Variants in NALF1 observed in about 807,000 individuals in gnomAD.
NALF1 encodes family with sequence similarity 155 member A.
A neutral mutation model predicts 48.4 loss-of-function variants in NALF1; 3 were observed. The ratio of observed to expected loss-of-function variants is 0.06; its 90% CI spans 0.03 to 0.16. The LOEUF is 0.16. NALF1 is among the 10% of genes least tolerant of loss of function. The pLI is 1.00. For missense variants in NALF1, 526 were observed against 571.5 expected, an observed-to-expected ratio of 0.92 and a Z score of 0.81; for synonymous variants, 262 against 245.7, an observed-to-expected ratio of 1.07 and a Z score of -0.62.
intron 1 of NALF1, among the ~76,000 whole-genome samples, chr13:107,395,078 G>C (rs572500137): frequency 6.6e-6 from 1 of 152,026 alleles, no homozygotes; most frequent in Admixed American, 6.6e-5. Context: ...AGAAATTAAG[G>C]GTCTTTTGAG....
chr13:107,253,342 C>T (rs1298527653), intron 1 of NALF1, among the ~76,000 whole-genome samples: 2 of 152,052 alleles, frequency 1.3e-5, no homozygotes, highest in Non-Finnish European at 2.9e-5. Flanking sequence ...AATGCATTGC[C>T]CATAAACTCA....
intron 1 of NALF1, among the ~76,000 whole-genome samples, chr13:107,361,623 T>C (rs1883062017): frequency 6.6e-6 from 1 of 152,168 alleles, no homozygotes; most frequent in African/African-American, 2.4e-5. Context: ...CAGAAGATGG[T>C]GCAGCAGAGC....
intron 1 of NALF1, among the ~76,000 whole-genome samples, chr13:107,291,041 C>T (rs1171506837): frequency 6.6e-6 from 1 of 151,464 alleles, no homozygotes; most frequent in Non-Finnish European, 1.5e-5. Context: ...AAAGCCTACT[C>T]TTAATTAACA....
intron 1 of NALF1, among the ~76,000 whole-genome samples, chr13:107,440,936 C>A (rs1381977663): frequency 6.6e-6 from 1 of 152,062 alleles, no homozygotes; most frequent in African/African-American, 2.4e-5. Context: ...TCTCTTTAAC[C>A]AAAGCAAGCT....
intron 2 of NALF1, among the ~76,000 whole-genome samples, chr13:107,186,012 A>G (rs1428456643): frequency 6.6e-6 from 1 of 152,218 alleles, no homozygotes. Flanking sequence ...TGTTCTGAGT[A>G]GTGCGAAAAA....
intron 1 of NALF1, among the ~76,000 whole-genome samples, chr13:107,810,462 C>T (rs1045781161): frequency 2.0e-5 from 3 of 152,108 alleles, no homozygotes; most frequent in Admixed American, 6.6e-5. Flanking sequence ...CCTGTCATCA[C>T]CTCTATACAG....
intron 1 of NALF1, among the ~76,000 whole-genome samples, chr13:107,405,764 T>C (rs929185734): frequency 6.6e-6 from 1 of 151,964 alleles, no homozygotes; most frequent in African/African-American, 2.4e-5. Context: ...ACTAGTCTTA[T>C]GTGTTAAAAA....
intron 1 of NALF1, among the ~76,000 whole-genome samples, chr13:107,357,399 CCT>C (rs1185637642): frequency 1.3e-5 from 2 of 152,104 alleles, no homozygotes; most frequent in Non-Finnish European, 2.9e-5. Flanking sequence ...TGGTCCCTCC[CCT>C]GACACATGGG....
chr13:107,658,704 C>T (rs970959077), intron 1 of NALF1, among the ~76,000 whole-genome samples: 10 of 152,038 alleles, frequency 6.6e-5, no homozygotes, highest in Non-Finnish European at 1.5e-4. Flanking sequence ...CCCTCACTCC[C>T]GCTCCACTAT....
chr13:107,187,754 G>A (rs1215855793), intron 2 of NALF1, among the ~76,000 whole-genome samples: 1 of 152,064 alleles, frequency 6.6e-6, no homozygotes, highest in African/African-American at 2.4e-5. Context: ...ATCACCCATG[G>A]GTCCTATGGG....
chr13:107,354,375 G>A (rs1882926367), intron 1 of NALF1, among the ~76,000 whole-genome samples: 1 of 152,072 alleles, frequency 6.6e-6, no homozygotes. Context: ...AGAGAGAGGA[G>A]AAAAAACTCA....
Position 107,552,148 on chromosome 13 carries a change from G to GA in NALF1, c.915+313533dup, listed in dbSNP as rs1219250722. Among the ~76,000 whole-genome samples the GA allele has an allele frequency of 3.3e-5, 5 of 152,218 alleles. No homozygotes were observed. In the East Asian group the frequency reaches 9.7e-4, roughly 29 times the overall value. On this transcript the variant is annotated intron_variant, in intron 1 of 2. Transcript: ENST00000375915. ...TCTTCAAGCTGCATTATATGAGTTA[G>GA]AAATTAATTCTGAGATAGACATATT...
chr13:107,296,796 AG>A (rs1881735458), intron 1 of NALF1, among the ~76,000 whole-genome samples: 1 of 152,090 alleles, frequency 6.6e-6, no homozygotes, highest in Admixed American at 6.6e-5. Context: ...TATATTTTTC[AG>A]AGTGGCAAGA....
At chr13:107,620,332 AATAGAG>A (rs996207282) in intron 1 of NALF1, among the ~76,000 whole-genome samples, 2 of 152,210 alleles carry the variant, frequency 1.3e-5, no homozygotes, top group Non-Finnish European at 2.9e-5. Context: ...ATCAAACACT[AATAGAG>A]ATAATCTATG....
At chr13:107,469,395 G>A (rs1225537212) in intron 1 of NALF1, among the ~76,000 whole-genome samples, 1 of 152,072 alleles carries the variant, frequency 6.6e-6, no homozygotes, top group Non-Finnish European at 1.5e-5. Flanking sequence ...AATTATGGCA[G>A]CAGAAAAAAA....
chr13:107,284,131 G>A (rs1323910634), intron 1 of NALF1, among the ~76,000 whole-genome samples: 1 of 152,108 alleles, frequency 6.6e-6, no homozygotes, highest in Non-Finnish European at 1.5e-5. Flanking sequence ...AGAAAAGCAG[G>A]TAAGCATTTC....
intron 1 of NALF1, among the ~76,000 whole-genome samples, chr13:107,391,604 G>A (rs1311472720): frequency 2.0e-5 from 3 of 152,098 alleles, no homozygotes; most frequent in South Asian, 2.1e-4. Context: ...CTCTGAAGTC[G>A]TCTATCTGAG....
At chr13:107,842,821 G>A (rs1313829527) in intron 1 of NALF1, among the ~76,000 whole-genome samples, 1 of 152,102 alleles carries the variant, frequency 6.6e-6, no homozygotes, top group East Asian at 1.9e-4. Flanking sequence ...AAACTTGAGA[G>A]TGATTTAATC....
chr13:107,474,372 T>A (rs1450952615), intron 1 of NALF1, among the ~76,000 whole-genome samples: 2 of 152,208 alleles, frequency 1.3e-5, no homozygotes, highest in Admixed American at 1.3e-4. Flanking sequence ...TGTTAGTTTT[T>A]AGCTCCTGCC....
Sources: gnomAD v4.1 joint callset for allele counts (sites outside exome capture counted in the v4.1 genomes callset) on GRCh38, gnomAD v4.1.1 for gene constraint, MANE v1.5 for transcripts, NCBI Gene and HGNC (gene_info 2026-07-23, HGNC 2026-07-21) for gene names.